The following MAGI1 variants were observed in gnomAD, a reference collection of about 807,000 sequenced individuals.
MAGI1 encodes membrane associated guanylate kinase, WW and PDZ domain containing 1, also known as membrane-associated guanylate kinase, WW and PDZ domain-containing protein 1.
A neutral mutation model predicts 139.9 loss-of-function variants in MAGI1; 58 were observed. That is an observed-to-expected ratio of 0.41 (90% confidence interval 0.34 to 0.52). MAGI1 has a LOEUF of 0.52. MAGI1 is among the 20% of genes least tolerant of loss of function. MAGI1 has a pLI of 0.12. For synonymous variants in MAGI1, 812 were observed against 737.9 expected (o/e 1.10, Z -1.63); for missense variants, 1,874 against 1,901.6 (o/e 0.99, Z 0.27).
chr3:65,831,446 C>G (rs1007538136), intron 1 of MAGI1, among the ~76,000 whole-genome samples: 1 of 152,146 alleles, frequency 6.6e-6, no homozygotes, highest in Admixed American at 6.6e-5. Flanking sequence ...ATGTGAAGAG[C>G]AGAAGTATAG....
chr3:65,751,849 A>C (rs571842715), intron 1 of MAGI1, among the ~76,000 whole-genome samples: 1 of 152,364 alleles, frequency 6.6e-6, no homozygotes, highest in African/African-American at 2.4e-5. Flanking sequence ...ATTTTAAAAA[A>C]TTTCCTTCTT....
At position 65,482,166 on chromosome 3, in the gene MAGI1, C is replaced by T. The variant is rs1447397368; in HGVS notation, c.551-3368G>A. 2.0e-5 allele frequency among the ~76,000 whole-genome samples: 3 copies of T among 152,196 alleles called. No individual in the cohort carries two copies. In the East Asian group the frequency reaches 5.8e-4, roughly 29 times the overall value. On this transcript the variant is annotated intron_variant, in intron 3 of 22. Transcript: ENST00000402939. ...ACAGCTCAGAGTTGAAAGCCCACTA[C>T]TAACTAACTGGCTGTGTGACTCTGG...
At chr3:65,505,021 T>A (rs1191789306) in intron 2 of MAGI1, among the ~76,000 whole-genome samples, 1 of 152,134 alleles carries the variant, frequency 6.6e-6, no homozygotes, top group Admixed American at 6.5e-5. Context: ...TTATCAGAAA[T>A]CAACTTTTGA....
At chr3:65,416,198 C>T (rs763697873) in intron 12 of MAGI1, among the ~76,000 whole-genome samples, 3 of 152,116 alleles carry the variant, frequency 2.0e-5, no homozygotes, top group Non-Finnish European at 4.4e-5. Flanking sequence ...ATGCCAAGAC[C>T]CCTTTTGCAT....
intron 1 of MAGI1, among the ~76,000 whole-genome samples, chr3:65,878,239 G>A (rs166442): frequency 0.26 from 39,480 of 152,054 alleles, 6,104 homozygotes; most frequent in African/African-American, 0.42. Flanking sequence ...AGACTTGGCC[G>A]GGCACGGTGG....
intron 14 of MAGI1, chr3:65,387,362 CTA>C: frequency 5.2e-6 from 3 of 574,272 alleles, no homozygotes; most frequent in Non-Finnish European, 6.0e-6. Context: ...TGTTAAAAGA[CTA>C]TAGTTTGATT....
At chr3:65,390,228 A>G (rs1181555600) in intron 14 of MAGI1, among the ~76,000 whole-genome samples, 1 of 152,184 alleles carries the variant, frequency 6.6e-6, no homozygotes, top group Admixed American at 6.5e-5. Context: ...GAGGATGAGC[A>G]AAATGATTCC....
intron 1 of MAGI1, among the ~76,000 whole-genome samples, chr3:65,669,495 C>T (rs906107830): frequency 6.6e-6 from 1 of 152,124 alleles, no homozygotes; most frequent in Admixed American, 6.5e-5. Context: ...TCCAGAAAGT[C>T]GACAAGCAGA....
intron 2 of MAGI1, among the ~76,000 whole-genome samples, chr3:65,538,939 C>T (rs552055786): frequency 6.6e-6 from 1 of 151,412 alleles, no homozygotes; most frequent in East Asian, 2.0e-4. Flanking sequence ...CTACCGTCAA[C>T]CACAAACATG....
intron 1 of MAGI1, among the ~76,000 whole-genome samples, chr3:65,901,594 C>T (rs893251655): frequency 6.6e-6 from 1 of 152,182 alleles, no homozygotes; most frequent in Non-Finnish European, 1.5e-5. Flanking sequence ...TAAAGAACTG[C>T]AACGGCAAGG....
chr3:66,009,731 T>G (rs73125736), intron 1 of MAGI1, among the ~76,000 whole-genome samples: 12,649 of 152,156 alleles, frequency 0.083, 726 homozygotes, highest in Middle Eastern at 0.2. Flanking sequence ...GCACTGTGGT[T>G]CTCAACCTGC....
At chr3:65,835,804 C>A (rs2042772706) in intron 1 of MAGI1, among the ~76,000 whole-genome samples, 1 of 152,148 alleles carries the variant, frequency 6.6e-6, no homozygotes, top group South Asian at 2.1e-4. Flanking sequence ...AATTTTAGCA[C>A]CCTCTGCACC....
intron 1 of MAGI1, among the ~76,000 whole-genome samples, chr3:65,918,981 A>G (rs2062040017): frequency 6.6e-6 from 1 of 152,170 alleles, no homozygotes. Flanking sequence ...CCAAAAGGGT[A>G]TAAAATTGGA....
At chr3:65,577,774 G>T (rs2081237825) in intron 2 of MAGI1, among the ~76,000 whole-genome samples, 1 of 152,122 alleles carries the variant, frequency 6.6e-6, no homozygotes, top group African/African-American at 2.4e-5. Flanking sequence ...CTCACACTTG[G>T]CTCATCAAGG....
chr3:65,932,235 C>G (rs2062836796), intron 1 of MAGI1, among the ~76,000 whole-genome samples: 1 of 152,114 alleles, frequency 6.6e-6, no homozygotes, highest in South Asian at 2.1e-4. Flanking sequence ...ATAATGCAAA[C>G]AAGGTCTGTT....
intron 1 of MAGI1, among the ~76,000 whole-genome samples, chr3:65,689,015 T>C (rs545439132): frequency 8.5e-4 from 130 of 152,324 alleles, no homozygotes; most frequent in African/African-American, 3.0e-3. Context: ...ACTATGATTT[T>C]TGTGCCCCAA....
intron 5 of MAGI1, 82 bp from the exon 6 acceptor site, chr3:65,453,422 C>A: frequency 2.0e-6 from 2 of 985,420 alleles, no homozygotes; most frequent in Non-Finnish European, 3.1e-6. Context: ...ATTACACACT[C>A]TTGAATATTT....
chr3:66,000,241 G>C (rs1468029858), intron 1 of MAGI1, among the ~76,000 whole-genome samples: 1 of 151,998 alleles, frequency 6.6e-6, no homozygotes, highest in Non-Finnish European at 1.5e-5. Flanking sequence ...CTCCCAAAGT[G>C]CCCAGATTAC....
At chr3:65,449,420 A>C (rs1310651766) in intron 6 of MAGI1, among the ~76,000 whole-genome samples, 1 of 152,170 alleles carries the variant, frequency 6.6e-6, no homozygotes, top group Non-Finnish European at 1.5e-5. Context: ...TCACTTCTTC[A>C]GTAGTTATTT....
Sources: allele counts gnomAD v4.1 joint callset (sites outside exome capture counted in the v4.1 genomes callset), GRCh38; gene constraint gnomAD v4.1.1; transcripts MANE v1.5; gene names NCBI Gene and HGNC (gene_info 2026-07-23, HGNC 2026-07-21).